The following CHRM2 variants were observed in gnomAD, a reference collection of about 807,000 sequenced individuals.
CHRM2 encodes the protein muscarinic acetylcholine receptor M2.
A neutral mutation model predicts 25.0 loss-of-function variants in CHRM2; 8 were observed. The ratio of observed to expected loss-of-function variants is 0.32; its 90% CI spans 0.19 to 0.58. The LOEUF (loss-of-function observed/expected upper bound fraction) is 0.58, where lower values mean the gene tolerates loss of function less well. CHRM2 is among the 20% of genes least tolerant of loss of function. The pLI, the probability that CHRM2 is intolerant of heterozygous loss-of-function variation, is 0.88. For missense variants in CHRM2, 440 were observed against 567.1 expected (o/e 0.78, Z 2.28); for synonymous variants, 202 against 205.7 (o/e 0.98, Z 0.15).
chr7:136,901,927 C>G (rs936768018), intron 2 of CHRM2: 6 of 151,896 alleles, frequency 4.0e-5, no homozygotes, highest in African/African-American at 1.4e-4. Context: ...CAGAGGTGTG[C>G]TGCTCGTCTC....
At chr7:136,905,723 T>C (rs1797499860) in intron 2 of CHRM2, among the ~76,000 whole-genome samples, 1 of 151,608 alleles carries the variant, frequency 6.6e-6, no homozygotes, top group South Asian at 2.1e-4. Context: ...ATTGGTAGTT[T>C]AATTCTCTCA....
At chr7:136,871,360 A>G (rs975866321) in intron 2 of CHRM2, 3 of 152,484 alleles carry the variant, frequency 2.0e-5, no homozygotes, top group Admixed American at 2.0e-4. Flanking sequence ...CGTCCCCGCC[A>G]GGAGCCCACC....
chr7:136,916,678 T>G (rs1195814582), intron 2 of CHRM2, among the ~76,000 whole-genome samples: 1 of 150,442 alleles, frequency 6.6e-6, no homozygotes, highest in Non-Finnish European at 1.5e-5. Flanking sequence ...TATATTAATA[T>G]TAATATAATT....
chr7:136,927,936 T>A (rs76273994), intron 2 of CHRM2, among the ~76,000 whole-genome samples: 1 of 152,020 alleles, frequency 6.6e-6, no homozygotes, highest in African/African-American at 2.4e-5. Context: ...GAGTATTTTT[T>A]ATATGCTATA....
intron 2 of CHRM2, among the ~76,000 whole-genome samples, chr7:136,953,118 G>A (rs538872698): frequency 3.3e-5 from 5 of 152,182 alleles, no homozygotes; most frequent in African/African-American, 1.2e-4. Flanking sequence ...GGGTTGAATC[G>A]TATTTCTGTC....
At chr7:137,011,215 G>GTGTGTGTGTATATATATATATA in intron 3 of CHRM2, among the ~76,000 whole-genome samples, 77 of 134,310 alleles carry the variant, frequency 5.7e-4, no homozygotes, top group Non-Finnish European at 8.0e-4. Flanking sequence ...GTGTGTGTGT[G>GTGTGTGTGTATATATATATATA]TATATATATA....
At chr7:136,955,508 C>T (rs2130870804) in intron 2 of CHRM2, among the ~76,000 whole-genome samples, 1 of 152,282 alleles carries the variant, frequency 6.6e-6, no homozygotes, top group East Asian at 1.9e-4. Flanking sequence ...TATTATTCGT[C>T]AAATTCCAGC....
intron 2 of CHRM2, among the ~76,000 whole-genome samples, chr7:136,968,656 T>C (rs1404710191): frequency 6.7e-6 from 1 of 149,546 alleles, no homozygotes; most frequent in Non-Finnish European, 1.5e-5. Context: ...AATGGATAAA[T>C]AAAATGTGAT....
intron 2 of CHRM2, among the ~76,000 whole-genome samples, chr7:136,953,560 A>G (rs1800540588): frequency 6.6e-6 from 1 of 152,158 alleles, no homozygotes; most frequent in Admixed American, 6.6e-5. Context: ...CAAATTACTC[A>G]TTCAACAAAC....
chr7:136,989,564 G>GAGTTCCCACTAGTCATAGGAATA (rs2131011303), intron 2 of CHRM2, among the ~76,000 whole-genome samples: 1 of 152,174 alleles, frequency 6.6e-6, no homozygotes, highest in South Asian at 2.1e-4. Flanking sequence ...CTGCTTTTTG[G>GAGTTCCCACTAGTCATAGGAATA]AGTTCCCACT....
intron 2 of CHRM2, among the ~76,000 whole-genome samples, chr7:136,941,021 T>A (rs1326233782): frequency 6.6e-6 from 1 of 152,180 alleles, no homozygotes; most frequent in African/African-American, 2.4e-5. Context: ...CAGTCCTACA[T>A]AAAGATTCTA....
intron 3 of CHRM2, among the ~76,000 whole-genome samples, chr7:136,997,477 G>GA (rs1803683185): frequency 6.6e-6 from 1 of 152,104 alleles, no homozygotes; most frequent in African/African-American, 2.4e-5. Flanking sequence ...TTGAAAATCA[G>GA]AAAAAGAAAT....
chr7:137,011,639 C>T (rs1398177417), intron 3 of CHRM2, among the ~76,000 whole-genome samples: 2 of 152,002 alleles, frequency 1.3e-5, no homozygotes, highest in Non-Finnish European at 2.9e-5. Flanking sequence ...CTCACAGACA[C>T]ATCCGAATTA....
intron 2 of CHRM2, among the ~76,000 whole-genome samples, chr7:136,932,795 C>T (rs1283966867): frequency 2.6e-5 from 4 of 152,040 alleles, no homozygotes; most frequent in East Asian, 3.9e-4. Context: ...TTTGGGAGGC[C>T]GAGGCAGGTG....
At chr7:136,989,362 G>A (rs1247529109) in intron 2 of CHRM2, among the ~76,000 whole-genome samples, 1 of 152,096 alleles carries the variant, frequency 6.6e-6, no homozygotes, top group Non-Finnish European at 1.5e-5. Context: ...GTCACACAGT[G>A]ATTAATGACT....
In CHRM2 at chr7:136,950,783, CTGT is replaced by C. The variant is rs200954535; in HGVS notation, c.-124-41360_-124-41358del. ...TTACAGAATAGCATGAACCCCCAAC[CTGT>C]TGTTGTTGTTGTTGTTGTTGTTGTT... is the stretch of plus-strand genomic sequence containing the variant. On this transcript the variant is annotated intron_variant, in intron 2 of 3. Coordinates refer to ENST00000680005, the MANE Select transcript of CHRM2 (RefSeq NM_001006630.2). 0.025 allele frequency among the ~76,000 whole-genome samples: 3,771 copies of C among 149,662 alleles called. 61 individuals are homozygous for C. The highest frequency in any genetic ancestry group is 0.073 in the Middle Eastern group (21 of 288).
At chr7:136,981,917 A>G (rs1047029479) in intron 2 of CHRM2, among the ~76,000 whole-genome samples, 8 of 152,110 alleles carry the variant, frequency 5.3e-5, no homozygotes, top group Non-Finnish European at 1.0e-4. Flanking sequence ...AGAAGAAAGT[A>G]TATTCTGTTG....
intron 2 of CHRM2, among the ~76,000 whole-genome samples, chr7:136,884,429 G>T (rs867407398): frequency 4.0e-5 from 6 of 151,192 alleles, no homozygotes; most frequent in South Asian, 2.1e-4. Context: ...CATCCTAAAG[G>T]CTTGATAACC....
chr7:136,958,142 G>A (rs367605024), intron 2 of CHRM2, among the ~76,000 whole-genome samples: 6 of 152,160 alleles, frequency 3.9e-5, no homozygotes, highest in South Asian at 2.1e-4. Flanking sequence ...TTATGCTAAC[G>A]GAAATGAGCC....
Sources: allele counts gnomAD v4.1 joint callset (sites outside exome capture counted in the v4.1 genomes callset), GRCh38; gene constraint gnomAD v4.1.1; transcripts MANE v1.5; gene names NCBI Gene and HGNC (gene_info 2026-07-23, HGNC 2026-07-21).